Variants in WWTR1 observed in about 807,000 individuals in gnomAD.
The protein encoded by WWTR1 is WW domain containing transcription regulator 1, also known as WW domain-containing transcription regulator protein 1.
In WWTR1, 13 loss-of-function variants were observed where a neutral mutation model predicts 40.1. The observed-to-expected ratio is 0.32, with a 90% CI of 0.21 to 0.52. The LOEUF (loss-of-function observed/expected upper bound fraction) is 0.52. WWTR1 is among the 20% of genes least tolerant of loss of function. The pLI, the probability that WWTR1 is intolerant of heterozygous loss-of-function variation, is 0.97. For missense variants in WWTR1, 436 were observed against 523.1 expected, an observed-to-expected ratio of 0.83 and a Z score of 1.63; for synonymous variants, 230 against 210.1, an observed-to-expected ratio of 1.09 and a Z score of -0.82.
intron 2 of WWTR1, among the ~76,000 whole-genome samples, chr3:149,654,931 G>A (rs780766705): frequency 6.6e-6 from 1 of 151,210 alleles, no homozygotes; most frequent in Non-Finnish European, 1.5e-5. Flanking sequence ...AGACCATCCT[G>A]GCTAACATGT....
chr3:149,598,123 T>C (rs977703661), intron 2 of WWTR1, among the ~76,000 whole-genome samples: 19 of 152,266 alleles, frequency 1.2e-4, no homozygotes, highest in African/African-American at 3.1e-4. Flanking sequence ...TGACCTACAA[T>C]GTACCAGAAA....
At chr3:149,611,361 C>T (rs1739733921) in intron 2 of WWTR1, among the ~76,000 whole-genome samples, 2 of 152,160 alleles carry the variant, frequency 1.3e-5, no homozygotes, top group Admixed American at 1.3e-4. Context: ...TATGGCCACA[C>T]TCACTTATCT....
At chr3:149,597,065 T>G (rs908050190) in intron 2 of WWTR1, among the ~76,000 whole-genome samples, 30 of 152,206 alleles carry the variant, frequency 2.0e-4, no homozygotes, top group African/African-American at 5.8e-4. Flanking sequence ...TAATAAAGCA[T>G]GCAAAGCTCT....
At chr3:149,661,174 C>T (rs1713556860), upstream of WWTR1, 1 of 152,282 alleles carries the variant, frequency 6.6e-6, no homozygotes, top group African/African-American at 2.4e-5. Context: ...AGGAAAGGCC[C>T]TGAGATACTT....
chr3:149,606,691 A>G (rs1739503528), intron 2 of WWTR1, among the ~76,000 whole-genome samples: 1 of 152,218 alleles, frequency 6.6e-6, no homozygotes, highest in Non-Finnish European at 1.5e-5. Context: ...TTGTCAGATA[A>G]TGACATAAAC....
At chr3:149,671,410 G>A (rs1691400480) in intron 1 of WWTR1, among the ~76,000 whole-genome samples, 1 of 152,192 alleles carries the variant, frequency 6.6e-6, no homozygotes, top group Non-Finnish European at 1.5e-5. Flanking sequence ...GCTTTCAAAA[G>A]AGGTTTGGTT....
chr3:149,635,246 C>G (rs1340626117), intron 2 of WWTR1, among the ~76,000 whole-genome samples: 1 of 152,086 alleles, frequency 6.6e-6, no homozygotes, highest in African/African-American at 2.4e-5. Context: ...TGTTTGATCT[C>G]ATATCTTTTG....
At chr3:149,683,472 T>A (rs182166400) in intron 1 of WWTR1, among the ~76,000 whole-genome samples, 3 of 152,218 alleles carry the variant, frequency 2.0e-5, no homozygotes. Context: ...AGCGGATGGA[T>A]CACTTGAGGT....
At chr3:149,549,638 G>A (rs1473807109) in intron 3 of WWTR1, among the ~76,000 whole-genome samples, 1 of 152,128 alleles carries the variant, frequency 6.6e-6, no homozygotes, top group Non-Finnish European at 1.5e-5. Context: ...AGGAGTTCAA[G>A]ACCAACCTAG....
chr3:149,710,401 C>A (rs1715444787), intron 5 of WWTR1, among the ~76,000 whole-genome samples: 1 of 152,106 alleles, frequency 6.6e-6, no homozygotes, highest in Non-Finnish European at 1.5e-5. Flanking sequence ...TGCCTAGGAT[C>A]AAATTCTGGT....
At chr3:149,672,968 T>TAG (rs1380100289) in intron 1 of WWTR1, among the ~76,000 whole-genome samples, 2 of 152,244 alleles carry the variant, frequency 1.3e-5, no homozygotes, top group East Asian at 3.9e-4. Flanking sequence ...CTTTTATTGT[T>TAG]AACTTTTCCT....
chr3:149,596,730 A>G (rs1356772514), intron 2 of WWTR1, among the ~76,000 whole-genome samples: 2 of 152,246 alleles, frequency 1.3e-5, no homozygotes. Context: ...TTTGAAGGTA[A>G]GATCTGCCGC....
chr3:149,517,569 C>T lies in WWTR1; in HGVS notation c.*3236G>A, dbSNP rs148998750. 1.3e-5 allele frequency: 2 copies of T among 152,196 alleles called. No homozygotes were observed. Among genetic ancestry groups the T allele is most frequent in the Non-Finnish European group, 2.9e-5 (2 of 68,006 alleles). The allele number at this position is 152,196 out of a possible 1,614,324, so 9.4% of individuals were successfully genotyped here. On this transcript the variant is annotated 3_prime_UTR_variant, in exon 7 of 7. Coordinates refer to ENST00000360632, the MANE Select transcript of WWTR1 (RefSeq NM_015472.6). ...TTACTTTCTAATTACGTCATGAGAACACAACTTGTAATTAGCAACACTTCT... is the reference window on the plus strand; with the variant it reads ...TTACTTTCTAATTACGTCATGAGAATACAACTTGTAATTAGCAACACTTCT...
Position 149,557,061 on chromosome 3 carries a change from C to CTTTTTTTTTTTTTTTT in WWTR1, c.569-14540_569-14525dup, listed in dbSNP as rs3044118. ...TCCTAGTGTTCCCTACTGGAATCTT[C>CTTTTTTTTTTTTTTTT]TTTTTTTTTTTTTTTTTTTTTTTTT... On this transcript the variant is annotated intron_variant, in intron 3 of 6. Coordinates refer to ENST00000360632, the MANE Select transcript of WWTR1 (RefSeq NM_015472.6). Among the ~76,000 whole-genome samples, 25 of 64,374 alleles carry CTTTTTTTTTTTTTTTT rather than the reference C, an allele frequency of 3.9e-4. 4 individuals are homozygous for CTTTTTTTTTTTTTTTT. Among genetic ancestry groups the CTTTTTTTTTTTTTTTT allele is most frequent in the Admixed American group, 4.8e-4 (2 of 4,206 alleles). 42.2% of individuals were successfully genotyped at this position (64,374 alleles called of 152,430 possible). A position where few individuals can be genotyped will look rare whatever the true frequency, so the allele number is the denominator to read the frequency against.
intron 2 of WWTR1, among the ~76,000 whole-genome samples, chr3:149,585,769 A>AAT (rs1464322436): frequency 6.6e-6 from 1 of 152,242 alleles, no homozygotes; most frequent in African/African-American, 2.4e-5. Flanking sequence ...CAAGCAAAAG[A>AAT]ATATGTAATG....
chr3:149,536,653 C>T (rs77823018), intron 4 of WWTR1, among the ~76,000 whole-genome samples: 41 of 152,076 alleles, frequency 2.7e-4, no homozygotes, highest in African/African-American at 9.9e-4. Context: ...AATTCCGAGG[C>T]CTCCCTCTTT....
At chr3:149,541,829 C>T (rs140936378) in intron 4 of WWTR1, among the ~76,000 whole-genome samples, 1 of 152,252 alleles carries the variant, frequency 6.6e-6, no homozygotes, top group Non-Finnish European at 1.5e-5. Context: ...CAGCAATCCT[C>T]ACCATCATGC....
intron 3 of WWTR1, among the ~76,000 whole-genome samples, chr3:149,545,090 A>G (rs1246651038): frequency 2.0e-5 from 3 of 152,224 alleles, no homozygotes; most frequent in Non-Finnish European, 4.4e-5. Context: ...GAGAAAAAGC[A>G]CAGTCATGAT....
chr3:149,684,846 G>A (rs957402977), intron 1 of WWTR1, among the ~76,000 whole-genome samples: 3 of 152,138 alleles, frequency 2.0e-5, no homozygotes, highest in Non-Finnish European at 4.4e-5. Flanking sequence ...TTACAGGTGT[G>A]CTCCACTGTA....
Sources: allele counts gnomAD v4.1 joint callset (sites outside exome capture counted in the v4.1 genomes callset), GRCh38; gene constraint gnomAD v4.1.1; transcripts MANE v1.5; gene names NCBI Gene and HGNC (gene_info 2026-07-23, HGNC 2026-07-21).